SERTM2: variants seen among roughly 807,000 people sequenced by gnomAD.
SERTM2 encodes serine rich and transmembrane domain containing 2.
chrX:111,516,932 T>C (rs917040917), intron 2 of SERTM2, among the ~76,000 whole-genome samples: 1 of 111,709 alleles, frequency 9.0e-6, no homozygotes, highest in Non-Finnish European at 1.9e-5. Flanking sequence ...TGACAGGTGA[T>C]GGTTGTTTAT....
Position 111,519,156 on chromosome X carries a change from G to T in SERTM2, c.*26G>T. On this transcript the variant is annotated 3_prime_UTR_variant, in exon 3 of 3. Transcript: ENST00000569275. ...AGCCAGGATGAAGGTGAGCTTTAGT[G>T]GATCTGGGTAAACCCTTATATATGG... is the stretch of plus-strand genomic sequence containing the variant. 3.4e-6 allele frequency: 1 copy of T among 297,154 alleles called. No homozygotes were observed. Among genetic ancestry groups the T allele is most frequent in the South Asian group, 2.0e-4 (1 of 4,879 alleles). The allele number at this position is 297,154 out of a possible 1,213,427, so 24.5% of individuals were successfully genotyped here.
intron 2 of SERTM2, among the ~76,000 whole-genome samples, chrX:111,517,709 C>A: frequency 9.1e-6 from 1 of 109,614 alleles, no homozygotes; most frequent in Non-Finnish European, 1.9e-5. Context: ...GGTCCCATCC[C>A]AGACCAATAA....
At chrX:111,516,794 G>C (rs1930320261) in intron 2 of SERTM2, among the ~76,000 whole-genome samples, 1 of 111,191 alleles carries the variant, frequency 9.0e-6, no homozygotes, top group Admixed American at 9.6e-5. Flanking sequence ...CAAGCTGGGG[G>C]CAAAATTCAA....
At chrX:111,515,821 T>C (rs761368950) in intron 2 of SERTM2, among the ~76,000 whole-genome samples, 10 of 110,221 alleles carry the variant, frequency 9.1e-5, no homozygotes, top group Non-Finnish European at 1.5e-4. Flanking sequence ...TGGGAAAGGG[T>C]CCGTGTTTTT....
chrX:111,517,565 G>C (rs181783867), intron 2 of SERTM2, among the ~76,000 whole-genome samples: 2 of 111,317 alleles, frequency 1.8e-5, no homozygotes, highest in East Asian at 5.7e-4. Flanking sequence ...CCTTCTTTTT[G>C]TGGGCAAAAG....
In SERTM2 at chrX:111,518,618, G is replaced by GCCC; in HGVS notation, c.-239_-238insCCC. 3.5e-6 allele frequency: 1 copy of GCCC among 286,806 alleles called. No homozygotes were observed. Among genetic ancestry groups the GCCC allele is most frequent in the Non-Finnish European group, 6.1e-6 (1 of 164,487 alleles). 23.6% of individuals were successfully genotyped at this position (286,806 alleles called of 1,213,427 possible). A position where few individuals can be genotyped will look rare whatever the true frequency, so the allele number is the denominator to read the frequency against. On this transcript the variant is annotated 5_prime_UTR_variant, in exon 3 of 3. Coordinates refer to ENST00000569275, the MANE Select transcript of SERTM2 (RefSeq NM_001354473.2). ...TGTATTTTTAAAAATTGATTAAGAA[G>GCCC]CTCTGATAAAACCTATTGGAGGGGC...
Position 111,520,981 on chromosome X carries a change from C to T in SERTM2, c.*1851C>T, listed in dbSNP as rs192707906. On this transcript the variant is annotated 3_prime_UTR_variant, in exon 3 of 3. Coordinates refer to ENST00000569275, the MANE Select transcript of SERTM2 (RefSeq NM_001354473.2). Reference sequence around the variant, plus strand: ...GACTTCCTCAAGACTGGCAACACCCCCCCTCCAGAACTTCTTAAGAACACA... The same window carrying T: ...GACTTCCTCAAGACTGGCAACACCCTCCCTCCAGAACTTCTTAAGAACACA... 1 of 111,612 alleles carries T rather than the reference C, an allele frequency of 9.0e-6. No homozygotes were observed. Among genetic ancestry groups the T allele is most frequent in the African/African-American group, 3.3e-5 (1 of 30,695 alleles). The allele number at this position is 111,612 out of a possible 1,213,427, so 9.2% of individuals were successfully genotyped here.
chrX:111,521,365 A>G lies in SERTM2; in HGVS notation c.*2235A>G, dbSNP rs779573579. 1.8e-5 allele frequency: 2 copies of G among 111,504 alleles called. No homozygotes were observed. Among genetic ancestry groups the G allele is most frequent in the South Asian group, 7.6e-4 (2 of 2,625 alleles). 9.2% of individuals were successfully genotyped at this position (111,504 alleles called of 1,213,427 possible). A position where few individuals can be genotyped will look rare whatever the true frequency, so the allele number is the denominator to read the frequency against. The stretch of plus-strand genomic sequence containing the variant: ...TCACTGAGCATTAACCAAAGCACAC[A>G]GCACAGATTACACCAAAATAGCAGC... On this transcript the variant is annotated 3_prime_UTR_variant, in exon 3 of 3. Coordinates refer to ENST00000569275, the MANE Select transcript of SERTM2 (RefSeq NM_001354473.2).
At chrX:111,515,191 G>T (rs904471085) in intron 2 of SERTM2, among the ~76,000 whole-genome samples, 1 of 111,122 alleles carries the variant, frequency 9.0e-6, no homozygotes, top group Non-Finnish European at 1.9e-5. Context: ...GTATACTTGG[G>T]GTCCAAAAGG....
At chrX:111,517,853 G>A (rs752568824) in intron 2 of SERTM2, among the ~76,000 whole-genome samples, 3 of 110,671 alleles carry the variant, frequency 2.7e-5, no homozygotes, top group East Asian at 2.9e-4. Context: ...TTTAGAAAAC[G>A]TTGTTCTAAT....
intron 2 of SERTM2, among the ~76,000 whole-genome samples, chrX:111,515,822 C>T (rs1222438177): frequency 1.8e-5 from 2 of 110,310 alleles, no homozygotes; most frequent in Non-Finnish European, 3.8e-5. Flanking sequence ...GGGAAAGGGT[C>T]CGTGTTTTTA....
Position 111,518,492 on chromosome X carries a change from C to A in SERTM2, c.-366C>A. ...AACAGAGCAAAACACTGATATAATA[C>A]TCTAAAAGATTCTTGTTCTAATAAC... On this transcript the variant is annotated 5_prime_UTR_variant, in exon 3 of 3. Transcript: ENST00000569275. 1 of 152,400 alleles carries A rather than the reference C, an allele frequency of 6.6e-6. No individual in the cohort carries two copies. The highest frequency in any genetic ancestry group is 1.3e-5 in the Non-Finnish European group (1 of 79,336). The allele number at this position is 152,400 out of a possible 1,213,427, so 12.6% of individuals were successfully genotyped here.
At chrX:111,514,655 C>A (rs1198881776) in intron 2 of SERTM2, among the ~76,000 whole-genome samples, 5 of 111,167 alleles carry the variant, frequency 4.5e-5, no homozygotes, top group Non-Finnish European at 1.9e-5. Context: ...TAAGCCAGGG[C>A]CAAGGCATTG....
chrX:111,516,923 G>C (rs1361498093), intron 2 of SERTM2, among the ~76,000 whole-genome samples: 2 of 111,590 alleles, frequency 1.8e-5, no homozygotes, highest in Non-Finnish European at 3.8e-5. Context: ...ATAGAAGTGT[G>C]ACAGGTGATG....
At chrX:111,512,268 G>A (rs1930240138) in intron 2 of SERTM2, among the ~76,000 whole-genome samples, 174 bp downstream of exon 2, 1 of 112,110 alleles carries the variant, frequency 8.9e-6, no homozygotes, top group Non-Finnish European at 1.9e-5. Context: ...TTTGCTGCTG[G>A]AATCGTTTTT....
chrX:111,516,823 G>A (rs1029844066), intron 2 of SERTM2, among the ~76,000 whole-genome samples: 4 of 111,450 alleles, frequency 3.6e-5, no homozygotes, highest in African/African-American at 1.3e-4. Flanking sequence ...GAAAAATAAT[G>A]TGACCGTTGG....
chrX:111,518,225 T>C lies in SERTM2; in HGVS notation c.-633T>C, dbSNP rs1231166759. ...CTACAGTGAGGGATGTCAACAAAGC[T>C]ACAGAAAACTCACATTCTGTAGACT... On this transcript the variant is annotated 5_prime_UTR_variant, in exon 3 of 3. Coordinates refer to ENST00000569275, the MANE Select transcript of SERTM2 (RefSeq NM_001354473.2). 9.0e-6 allele frequency: 1 copy of C among 111,229 alleles called. No homozygotes were observed. The highest frequency in any genetic ancestry group is 1.9e-5 in the Non-Finnish European group (1 of 53,055). The allele number at this position is 111,229 out of a possible 1,213,427, so 9.2% of individuals were successfully genotyped here. A position where few individuals can be genotyped will look rare whatever the true frequency, so the allele number is the denominator to read the frequency against.
intron 2 of SERTM2, among the ~76,000 whole-genome samples, chrX:111,512,443 T>C (rs770152577): frequency 4.5e-5 from 5 of 112,138 alleles, no homozygotes; most frequent in Non-Finnish European, 7.5e-5. Flanking sequence ...CTTAACTACT[T>C]GATGAGATTT....
chrX:111,516,339 TGG>T (rs1210929423), intron 2 of SERTM2, among the ~76,000 whole-genome samples: 1 of 108,867 alleles, frequency 9.2e-6, no homozygotes, highest in Non-Finnish European at 1.9e-5. Context: ...TCACCATTTT[TGG>T]GGGGTGACAC....
Sources: allele counts gnomAD v4.1 joint callset (sites outside exome capture counted in the v4.1 genomes callset), GRCh38; gene constraint gnomAD v4.1.1; transcripts MANE v1.5; gene names NCBI Gene and HGNC (gene_info 2026-07-23, HGNC 2026-07-21).